Variants in CLASP1 observed in about 807,000 individuals in gnomAD.
CLASP1 encodes cytoplasmic linker associated protein 1, also known as CLIP-associating protein 1.
A neutral mutation model predicts 192.3 loss-of-function variants in CLASP1; 38 were observed. The ratio of observed to expected loss-of-function variants is 0.20; its 90% CI spans 0.15 to 0.26. The LOEUF (loss-of-function observed/expected upper bound fraction) is 0.26, where lower values mean the gene tolerates loss of function less well. Ranked by LOEUF, CLASP1 falls within the 10% of genes least tolerant of loss-of-function variation. The probability of loss-of-function intolerance (pLI) is 1.00; values close to 1 mark genes in which losing one functional copy is unlikely to be tolerated. For synonymous variants in CLASP1, 691 were observed against 712.8 expected, an observed-to-expected ratio of 0.97 and a Z score of 0.49; for missense variants, 1,433 against 1,932.5, an observed-to-expected ratio of 0.74 and a Z score of 4.85.
chr2:121,463,208 C>A (rs1381951327), intron 9 of CLASP1, among the ~76,000 whole-genome samples: 2 of 152,062 alleles, frequency 1.3e-5, no homozygotes, highest in Non-Finnish European at 2.9e-5. Flanking sequence ...AATATGAGCT[C>A]CCCTTTATGT....
chr2:121,553,022 G>A (rs1177799706), intron 2 of CLASP1, among the ~76,000 whole-genome samples: 2 of 152,234 alleles, frequency 1.3e-5, no homozygotes, highest in African/African-American at 4.8e-5. Flanking sequence ...AAAAAGGAAT[G>A]AGATCACATC....
intron 1 of CLASP1, among the ~76,000 whole-genome samples, chr2:121,628,558 C>T (rs576869888): frequency 6.6e-6 from 1 of 151,824 alleles, no homozygotes; most frequent in South Asian, 2.1e-4. Context: ...CGCCTGTAAC[C>T]CCAGCTACTC....
intron 22 of CLASP1, among the ~76,000 whole-genome samples, chr2:121,420,670 G>A (rs1190894086): frequency 1.3e-5 from 2 of 152,140 alleles, no homozygotes; most frequent in Non-Finnish European, 1.5e-5. Context: ...GTATTCCACT[G>A]CCCACTCCAA....
intron 6 of CLASP1, among the ~76,000 whole-genome samples, chr2:121,518,597 G>T (rs113666667): frequency 0.038 from 5,838 of 152,242 alleles, 157 homozygotes; most frequent in East Asian, 0.14. Flanking sequence ...GTCGGGCGCG[G>T]TGGCTCATGC....
chr2:121,492,446 A>C (rs539632012), intron 8 of CLASP1, among the ~76,000 whole-genome samples: 70 of 151,728 alleles, frequency 4.6e-4, no homozygotes, highest in Non-Finnish European at 9.1e-4. Flanking sequence ...TGAAAAAAAA[A>C]TTTACAAATC....
rs551250745 is a variant in CLASP1 at position 121,371,768 on chromosome 2, C to G, written c.3643-3937G>C. On this transcript the variant is annotated intron_variant, in intron 34 of 39. Transcript: ENST00000263710. ...TTCTACCTGGGCCCTAATCTCACGTCCCCACGTCCTGAAGGATCGCATCCA... is the reference window on the plus strand; with the variant it reads ...TTCTACCTGGGCCCTAATCTCACGTGCCCACGTCCTGAAGGATCGCATCCA... 8.5e-5 allele frequency among the ~76,000 whole-genome samples: 13 copies of G among 152,308 alleles called. No individual in the cohort carries two copies. The South Asian group carries it at 2.7e-3, about 32-fold the overall frequency.
chr2:121,575,806 C>A (rs962335600), intron 2 of CLASP1, among the ~76,000 whole-genome samples: 1 of 152,194 alleles, frequency 6.6e-6, no homozygotes, highest in Non-Finnish European at 1.5e-5. Flanking sequence ...ACTTAAGTGG[C>A]ATAATCTCTA....
rs2094833041 is a variant in CLASP1, at chr2:121,531,084, C to CAGTAGAGGGTGCACAAGACGCGTGGTTTT, written c.196-788_196-760dup. 4.5e-6 allele frequency: 3 copies of CAGTAGAGGGTGCACAAGACGCGTGGTTTT among 671,348 alleles called. No individual in the cohort carries two copies. The East Asian group carries it at 8.3e-5, about 19-fold the overall frequency. The allele number at this position is 671,348 out of a possible 1,614,324, so 41.6% of individuals were successfully genotyped here. A position where few individuals can be genotyped will look rare whatever the true frequency, so the allele number is the denominator to read the frequency against. On this transcript the variant is annotated intron_variant, in intron 2 of 39. Coordinates refer to ENST00000263710, the Ensembl canonical transcript of CLASP1. ...ATAAACTAGTACTTTGTGGTTAAAC[C>CAGTAGAGGGTGCACAAGACGCGTGGTTTT]AGTAGAGGGTGCACAAGACGCGTGG...
chr2:121,531,016 C>T (rs73950985), intron 2 of CLASP1: 36 of 700,028 alleles, frequency 5.1e-5, no homozygotes, highest in Middle Eastern at 3.7e-4. Context: ...AAATGAAAAC[C>T]TGTTTTCATA....
chr2:121,608,653 G>A (rs1303280800), intron 1 of CLASP1, among the ~76,000 whole-genome samples: 1 of 152,122 alleles, frequency 6.6e-6, no homozygotes, highest in Non-Finnish European at 1.5e-5. Flanking sequence ...GAAACAAGCA[G>A]AAAAGCCACC....
chr2:121,473,525 T>C (rs934937851), intron 8 of CLASP1, among the ~76,000 whole-genome samples: 24 of 152,212 alleles, frequency 1.6e-4, no homozygotes, highest in African/African-American at 5.8e-4. Context: ...ACTGCAGGCC[T>C]GCAGGACGAG....
In CLASP1 at chr2:121,348,897, G is replaced by A. The variant is rs551704271; in HGVS notation, c.4207-179C>T. On this transcript the variant is annotated intron_variant, in intron 37 of 39. Transcript: ENST00000263710. Reference sequence around the variant, plus strand: ...GTCTGCAGGGTGATTTTAAAGGGGAGCGTGGGCCACGGAAAGGCAGGTCTA... The same window carrying A: ...GTCTGCAGGGTGATTTTAAAGGGGAACGTGGGCCACGGAAAGGCAGGTCTA... 7.2e-5 allele frequency among the ~76,000 whole-genome samples: 11 copies of A among 152,262 alleles called. No homozygotes were observed. In the East Asian group the frequency reaches 2.1e-3, roughly 29 times the overall value.
rs1043604841 is a variant in CLASP1, at chr2:121,503,132, A to G, written c.712+35T>C. 1.2e-5 allele frequency: 17 copies of G among 1,411,074 alleles called. No homozygotes were observed. The Admixed American group carries it at 2.4e-4, about 20-fold the overall frequency. The allele number at this position is 1,411,074 out of a possible 1,614,324, so 87.4% of individuals were successfully genotyped here. A position where few individuals can be genotyped will look rare whatever the true frequency, so the allele number is the denominator to read the frequency against. ...CATAAATGATGCGAATGTAAAACTG[A>G]AAAAGCAAAAGTAGGGATTGCTTTT... On this transcript the variant is annotated intron_variant, in intron 8 of 39. Coordinates refer to ENST00000263710, the Ensembl canonical transcript of CLASP1.
chr2:121,627,893 A>G (rs2068684957), intron 1 of CLASP1, among the ~76,000 whole-genome samples: 1 of 152,238 alleles, frequency 6.6e-6, no homozygotes, highest in East Asian at 1.9e-4. Context: ...CTGAGCAATG[A>G]CAAAGGCTAC....
At chr2:121,418,512 G>C in intron 23 of CLASP1, 110 bp downstream of exon 23, 1 of 742,268 alleles carries the variant, frequency 1.3e-6, no homozygotes, top group Non-Finnish European at 2.3e-6. Context: ...AAAGAAGAAA[G>C]GATCACAAGG....
chr2:121,403,667 A>G (rs1425528427), intron 26 of CLASP1: 3 of 446,426 alleles, frequency 6.7e-6, no homozygotes, highest in Admixed American at 2.5e-5. Flanking sequence ...AGTATTTAAA[A>G]TCTAGACTCC....
intron 34 of CLASP1, among the ~76,000 whole-genome samples, chr2:121,368,072 T>C (rs1317278048): frequency 6.6e-6 from 1 of 152,202 alleles, no homozygotes; most frequent in African/African-American, 2.4e-5. Flanking sequence ...TACTTTGTAA[T>C]TTGATGATCC....
intron 2 of CLASP1, among the ~76,000 whole-genome samples, chr2:121,585,854 C>T (rs1268659662): frequency 9.4e-5 from 14 of 148,846 alleles, no homozygotes; most frequent in Admixed American, 7.4e-4. Context: ...GAGCCGAGAT[C>T]GTGCCACAGC....
chr2:121,458,457 C>G (rs2087154318), intron 13 of CLASP1, among the ~76,000 whole-genome samples: 1 of 152,130 alleles, frequency 6.6e-6, no homozygotes, highest in Non-Finnish European at 1.5e-5. Flanking sequence ...TTTGGGTGAA[C>G]AGTAAAACCA....
Sources: allele counts gnomAD v4.1 joint callset (sites outside exome capture counted in the v4.1 genomes callset), GRCh38; gene constraint gnomAD v4.1.1; transcripts MANE v1.5; gene names NCBI Gene and HGNC (gene_info 2026-07-23, HGNC 2026-07-21).